RIMS2: variants seen among roughly 807,000 people sequenced by gnomAD.
The protein encoded by RIMS2 is regulating synaptic membrane exocytosis 2.
Under a neutral mutation model 174.4 loss-of-function variants are expected in RIMS2, and 59 were observed. That is an observed-to-expected ratio of 0.34 (90% CI 0.27 to 0.42). The LOEUF is 0.42. Ranked by LOEUF, RIMS2 falls within the 10% of genes least tolerant of loss-of-function variation. The probability of loss-of-function intolerance (pLI) is 1.00; values close to 1 mark genes in which losing one functional copy is unlikely to be tolerated. For synonymous variants in RIMS2, 606 were observed against 572.5 expected, an observed-to-expected ratio of 1.06 and a Z score of -0.84; for missense variants, 1,620 against 1,666.3, an observed-to-expected ratio of 0.97 and a Z score of 0.48.
At chr8:103,728,285 T>C (rs1477583521) in intron 2 of RIMS2, among the ~76,000 whole-genome samples, 1 of 152,204 alleles carries the variant, frequency 6.6e-6, no homozygotes, top group African/African-American at 2.4e-5. Flanking sequence ...ATGTTGATTT[T>C]ATATCCTGGA....
intron 19 of RIMS2, among the ~76,000 whole-genome samples, chr8:104,078,643 T>C (rs1471324866): frequency 6.6e-6 from 1 of 152,242 alleles, no homozygotes; most frequent in Non-Finnish European, 1.5e-5. Flanking sequence ...CACAATTCAG[T>C]CTATAACACA....
At chr8:103,526,676 G>T (rs1834141598) in intron 1 of RIMS2, among the ~76,000 whole-genome samples, 1 of 152,136 alleles carries the variant, frequency 6.6e-6, no homozygotes, top group Non-Finnish European at 1.5e-5. Context: ...GTATTTAACA[G>T]CATTAGATAC....
intron 1 of RIMS2, among the ~76,000 whole-genome samples, chr8:103,665,985 C>T (rs970122408): frequency 6.6e-6 from 1 of 152,052 alleles, no homozygotes; most frequent in Non-Finnish European, 1.5e-5. Context: ...GTACATATTT[C>T]AGTTGACTTG....
intron 6 of RIMS2, among the ~76,000 whole-genome samples, chr8:103,914,674 A>G (rs901070669): frequency 2.6e-5 from 4 of 152,118 alleles, no homozygotes; most frequent in African/African-American, 7.2e-5. Flanking sequence ...AATAAGATAC[A>G]CCCCGTGATT....
rs540886938 is a variant in RIMS2, at chr8:103,798,986, C to T, written c.698+32449C>T. ...GGAGAGATTCAAAGCAGGAAAAGGA[C>T]GAAAATGCCTATTGTTGAGTTTGAA... On this transcript the variant is annotated intron_variant, in intron 3 of 23. Coordinates refer to ENST00000504942, the Ensembl canonical transcript of RIMS2. Among the ~76,000 whole-genome samples the T allele has an allele frequency of 5.4e-5, 8 of 149,142 alleles. No homozygotes were observed. The South Asian group carries it at 1.5e-3, about 27-fold the overall frequency.
chr8:104,255,221 C>G (rs1246519499), downstream of RIMS2: 1 of 151,716 alleles, frequency 6.6e-6, no homozygotes, highest in Non-Finnish European at 1.5e-5. Flanking sequence ...ATACCCCCTA[C>G]TCTAGTGAAT....
At chr8:103,809,875 A>G (rs2098675755) in intron 3 of RIMS2, among the ~76,000 whole-genome samples, 2 of 152,172 alleles carry the variant, frequency 1.3e-5, no homozygotes, top group Admixed American at 6.5e-5. Flanking sequence ...TGCTAAACAC[A>G]GGTAGGGTAA....
intron 3 of RIMS2, among the ~76,000 whole-genome samples, chr8:103,766,929 A>G (rs75863089): frequency 0.03 from 4,526 of 152,288 alleles, 72 homozygotes; most frequent in African/African-American, 0.046. Flanking sequence ...GGGAAGGTTA[A>G]CAATATCTCC....
intron 19 of RIMS2, among the ~76,000 whole-genome samples, chr8:104,213,877 GAAA>G (rs748783814): frequency 1.2e-4 from 16 of 134,218 alleles, no homozygotes; most frequent in African/African-American, 3.6e-4. Context: ...CTCTGCCTCG[GAAA>G]AAAAAAAAAA....
chr8:104,236,692 A>G (rs967242532), intron 19 of RIMS2, among the ~76,000 whole-genome samples: 7 of 152,064 alleles, frequency 4.6e-5, no homozygotes, highest in Admixed American at 2.6e-4. Flanking sequence ...CTGCATGTTA[A>G]TTTTATATAC....
At chr8:104,051,418 G>A (rs1009025102) in intron 19 of RIMS2, among the ~76,000 whole-genome samples, 13 of 152,168 alleles carry the variant, frequency 8.5e-5, no homozygotes, top group Middle Eastern at 3.4e-3. Context: ...ATTATAGATC[G>A]TGCTGAGTAT....
chr8:103,768,969 G>T, intron 3 of RIMS2: 1 of 374,206 alleles, frequency 2.7e-6, no homozygotes, highest in South Asian at 2.7e-5. Context: ...AAATTGCTAA[G>T]AAATGCAGGC....
At chr8:104,209,773 T>A (rs935917651) in intron 19 of RIMS2, among the ~76,000 whole-genome samples, 5 of 152,218 alleles carry the variant, frequency 3.3e-5, no homozygotes, top group Admixed American at 6.5e-5. Context: ...ACTTCTTGCA[T>A]GTATGTTTGA....
Position 103,971,031 on chromosome 8 carries a change from G to A in RIMS2, c.2771-4319G>A, listed in dbSNP as rs1954904. 3.3e-3 allele frequency among the ~76,000 whole-genome samples: 508 copies of A among 152,148 alleles called. 2 individuals are homozygous for A. The highest frequency in any genetic ancestry group is 0.012 in the African/African-American group (482 of 41,494). ...TAGGCATGGAGTTTTCCCCCCCATA[G>A]TATACTGAGCAACAGGAATGGGAAT... On this transcript the variant is annotated intron_variant, in intron 15 of 23. Transcript: ENST00000504942.
At chr8:104,053,875 C>T (rs2096828078) in intron 19 of RIMS2, among the ~76,000 whole-genome samples, 1 of 151,936 alleles carries the variant, frequency 6.6e-6, no homozygotes, top group Non-Finnish European at 1.5e-5. Flanking sequence ...AGAATGGGGA[C>T]ACTGTGCAGA....
chr8:103,571,232 A>T (rs958366009), intron 1 of RIMS2, among the ~76,000 whole-genome samples: 1 of 152,184 alleles, frequency 6.6e-6, no homozygotes, highest in East Asian at 1.9e-4. Flanking sequence ...AATGTCACTT[A>T]TGATCTCAAA....
At chr8:103,855,820 C>A (rs1052359771) in intron 3 of RIMS2, among the ~76,000 whole-genome samples, 1 of 151,992 alleles carries the variant, frequency 6.6e-6, no homozygotes. Flanking sequence ...ATGGGAACAG[C>A]GTATATTTTG....
At chr8:103,576,801 C>G (rs997046948) in intron 1 of RIMS2, among the ~76,000 whole-genome samples, 2 of 152,052 alleles carry the variant, frequency 1.3e-5, no homozygotes, top group Admixed American at 6.6e-5. Flanking sequence ...CTTTGATATC[C>G]CTAACAAAAA....
At chr8:103,764,274 G>A (rs949914782) in intron 2 of RIMS2, among the ~76,000 whole-genome samples, 2 of 152,200 alleles carry the variant, frequency 1.3e-5, no homozygotes, top group African/African-American at 4.8e-5. Flanking sequence ...CAGGCACAAA[G>A]GGATGCTCTT....
Sources: allele counts gnomAD v4.1 joint callset (sites outside exome capture counted in the v4.1 genomes callset), GRCh38; gene constraint gnomAD v4.1.1; transcripts MANE v1.5; gene names NCBI Gene and HGNC (gene_info 2026-07-23, HGNC 2026-07-21).